TENM2: variants seen among roughly 807,000 people sequenced by gnomAD.
TENM2 encodes teneurin transmembrane protein 2.
In TENM2, 52 loss-of-function variants were observed where a neutral mutation model predicts 245.2. The observed-to-expected ratio is 0.21, with a 90% CI of 0.17 to 0.27. TENM2 has a LOEUF of 0.27. TENM2 is among the 10% of genes least tolerant of loss of function. TENM2 has a pLI of 1.00. For missense variants in TENM2, 3,046 were observed against 3,666.8 expected (o/e 0.83, Z 4.37); for synonymous variants, 1,363 against 1,438.9 (o/e 0.95, Z 1.19).
intron 3 of TENM2, among the ~76,000 whole-genome samples, chr5:167,939,531 A>G (rs1290547497): frequency 6.6e-6 from 1 of 152,230 alleles, no homozygotes; most frequent in East Asian, 1.9e-4. Flanking sequence ...AGAGAAGCTT[A>G]TAACAATTTA....
At chr5:168,047,672 A>C (rs940685780) in intron 6 of TENM2, 123 bp downstream of exon 8, 1 of 1,202,244 alleles carries the variant, frequency 8.3e-7, no homozygotes, top group Non-Finnish European at 1.2e-6. Flanking sequence ...AAACGGGGGG[A>C]AAAATCATTG....
chr5:167,779,711 C>T (rs1764055858), intron 2 of TENM2, among the ~76,000 whole-genome samples: 3 of 152,186 alleles, frequency 2.0e-5, no homozygotes, highest in Non-Finnish European at 4.4e-5. Context: ...GTGTTTGAAT[C>T]AAGTAACATA....
the TENM2 span, among the ~76,000 whole-genome samples, chr5:167,223,851 A>G: frequency 6.6e-6 from 1 of 151,806 alleles, no homozygotes; most frequent in Non-Finnish European, 1.5e-5. Context: ...CCAACATCTG[A>G]TATTTGTTGT....
At chr5:167,515,633 A>T in intron 2 of TENM2, among the ~76,000 whole-genome samples, 1 of 142,448 alleles carries the variant, frequency 7.0e-6, no homozygotes, top group Non-Finnish European at 1.5e-5. Context: ...ATATATACAT[A>T]TATATGTATA....
At chr5:167,791,648 A>G (rs994435929) in intron 2 of TENM2, among the ~76,000 whole-genome samples, 12 of 151,580 alleles carry the variant, frequency 7.9e-5, no homozygotes, top group Non-Finnish European at 1.6e-4. Context: ...AAATTCTTCA[A>G]TTAAGAATCA....
intron 2 of TENM2, among the ~76,000 whole-genome samples, chr5:167,552,629 G>A (rs767531408): frequency 6.6e-6 from 1 of 152,326 alleles, no homozygotes; most frequent in South Asian, 2.1e-4. Flanking sequence ...ATGCCCATCA[G>A]CACTGGAGGA....
chr5:167,103,930 T>C, the TENM2 span, among the ~76,000 whole-genome samples: 1 of 151,964 alleles, frequency 6.6e-6, no homozygotes, highest in East Asian at 1.9e-4. Flanking sequence ...TGGCTCAGCA[T>C]CGTGACACCA....
intron 27 of TENM2, among the ~76,000 whole-genome samples, chr5:168,249,230 T>C (rs987945482): frequency 6.6e-6 from 1 of 151,982 alleles, no homozygotes; most frequent in Non-Finnish European, 1.5e-5. Context: ...AGAGAAGCAA[T>C]GAGTGAGCGT....
At chr5:167,876,225 TG>T in intron 3 of TENM2, 30 bp downstream of exon 5, 1 of 1,496,420 alleles carries the variant, frequency 6.7e-7, no homozygotes. Context: ...TCTGAATGTG[TG>T]GTGTTTCGTG....
At chr5:167,692,970 C>A (rs1757527383) in intron 2 of TENM2, among the ~76,000 whole-genome samples, 1 of 152,184 alleles carries the variant, frequency 6.6e-6, no homozygotes, top group African/African-American at 2.4e-5. Flanking sequence ...GGAGTAACAA[C>A]TGAGAGCCCG....
chr5:167,572,436 C>T (rs1217221924), intron 2 of TENM2, among the ~76,000 whole-genome samples: 1 of 152,156 alleles, frequency 6.6e-6, no homozygotes, highest in Non-Finnish European at 1.5e-5. Flanking sequence ...ATAAGTAGGG[C>T]ACATAGAATT....
chr5:167,027,130 C>T, the TENM2 span, among the ~76,000 whole-genome samples: 1 of 152,128 alleles, frequency 6.6e-6, no homozygotes, highest in African/African-American at 2.4e-5. Flanking sequence ...AGTTGAGAAA[C>T]TTTGACATAT....
chr5:167,231,426 G>T, the TENM2 span, among the ~76,000 whole-genome samples: 2 of 152,182 alleles, frequency 1.3e-5, no homozygotes, highest in Admixed American at 6.5e-5. Context: ...TAAGGAACTT[G>T]TTGGGAACTG....
chr5:167,285,207 C>G (rs1771264076), intron 1 of TENM2, 144 bp downstream of exon 3: 1 of 636,886 alleles, frequency 1.6e-6, no homozygotes, highest in African/African-American at 1.8e-5. Flanking sequence ...AAAGGACATT[C>G]CTAACAACAT....
chr5:167,780,679 A>G (rs1764129964), intron 2 of TENM2, among the ~76,000 whole-genome samples: 1 of 152,184 alleles, frequency 6.6e-6, no homozygotes. Flanking sequence ...CATATTAAAT[A>G]TGGTGTCTTT....
the TENM2 span, among the ~76,000 whole-genome samples, chr5:166,998,190 AAGG>A: frequency 6.6e-6 from 1 of 152,160 alleles, no homozygotes; most frequent in Non-Finnish European, 1.5e-5. Flanking sequence ...TGCTGATACA[AAGG>A]AGAAAAGACC....
exon 28 of TENM2, chr5:168,260,337 G>T: frequency 6.2e-7 from 1 of 1,613,938 alleles, no homozygotes; most frequent in Non-Finnish European, 8.5e-7. Flanking sequence ...ATCATTCCTG[G>T]CTTCCCGAGA....
At chr5:167,936,807 C>G (rs556399308) in intron 3 of TENM2, among the ~76,000 whole-genome samples, 2 of 152,326 alleles carry the variant, frequency 1.3e-5, no homozygotes, top group African/African-American at 4.8e-5. Flanking sequence ...TACTTACACA[C>G]CCCAGCCCTG....
chr5:167,724,568 C>T (rs1386518141), intron 2 of TENM2, among the ~76,000 whole-genome samples: 1 of 151,964 alleles, frequency 6.6e-6, no homozygotes, highest in Non-Finnish European at 1.5e-5. Flanking sequence ...ATGACGAATT[C>T]AGTAAGGTAT....
Sources: gnomAD v4.1 joint callset for allele counts (sites outside exome capture counted in the v4.1 genomes callset) on GRCh38, gnomAD v4.1.1 for gene constraint, MANE v1.5 for transcripts, NCBI Gene and HGNC (gene_info 2026-07-23, HGNC 2026-07-21) for gene names.